LRRC28: variants seen among roughly 807,000 people sequenced by gnomAD.
The protein encoded by LRRC28 is leucine rich repeat containing 28, also known as leucine-rich repeat-containing protein 28.
A neutral mutation model predicts 45.7 loss-of-function variants in LRRC28; 39 were observed. The observed-to-expected ratio is 0.85, with a 90% CI of 0.66 to 1.12. The LOEUF is 1.12. LRRC28 is among the 50% of genes most tolerant of loss of function. LRRC28 has a pLI of 0.00. For synonymous variants in LRRC28, 206 were observed against 178.8 expected, an observed-to-expected ratio of 1.15 and a Z score of -1.22; for missense variants, 435 against 438.5, an observed-to-expected ratio of 0.99 and a Z score of 0.07.
chr15:99,298,128 G>A (rs769948776), intron 5 of LRRC28, among the ~76,000 whole-genome samples: 2 of 152,002 alleles, frequency 1.3e-5, no homozygotes, highest in Non-Finnish European at 2.9e-5. Flanking sequence ...CTTACTGCAC[G>A]TTGAGCTCCT....
At chr15:99,364,731 T>C (rs1957295912) in intron 9 of LRRC28, among the ~76,000 whole-genome samples, 1 of 152,216 alleles carries the variant, frequency 6.6e-6, no homozygotes, top group Non-Finnish European at 1.5e-5. Flanking sequence ...ATAATAATAA[T>C]ATCTATTTAA....
rs575344850 is a variant in LRRC28, at chr15:99,339,655, C to T, written c.592+5526C>T. 2.6e-5 allele frequency among the ~76,000 whole-genome samples: 4 copies of T among 151,182 alleles called. No homozygotes were observed. The South Asian group carries it at 8.4e-4, about 32-fold the overall frequency. ...CTGAGGCCCCAAAATCGCTTGAACC[C>T]GGGAGGTTGCAGTGAGCCGAGATCG... On this transcript the variant is annotated intron_variant, in intron 6 of 9. Coordinates refer to ENST00000301981, the MANE Select transcript of LRRC28 (RefSeq NM_144598.5).
intron 9 of LRRC28, among the ~76,000 whole-genome samples, chr15:99,369,853 C>T (rs1480612720): frequency 6.6e-6 from 1 of 152,144 alleles, no homozygotes; most frequent in Admixed American, 6.6e-5. Context: ...TCCCATATTG[C>T]TGGGTTAAGC....
chr15:99,278,634 C>A (rs1373833417), intron 3 of LRRC28, among the ~76,000 whole-genome samples: 2 of 152,224 alleles, frequency 1.3e-5, no homozygotes, highest in Admixed American at 1.3e-4. Flanking sequence ...TGTCTGTAGT[C>A]TATTGTGTTA....
intron 9 of LRRC28, among the ~76,000 whole-genome samples, chr15:99,366,512 T>C (rs1186810920): frequency 6.6e-6 from 1 of 152,130 alleles, no homozygotes; most frequent in Admixed American, 6.5e-5. Context: ...TTCCCATAGT[T>C]CTGGAGGAAA....
At chr15:99,269,702 C>T (rs2081423964) in intron 2 of LRRC28, among the ~76,000 whole-genome samples, 1 of 152,130 alleles carries the variant, frequency 6.6e-6, no homozygotes, top group South Asian at 2.1e-4. Flanking sequence ...CATGCCTGGC[C>T]TTAACATTTA....
chr15:99,325,151 T>C (rs1356826770), intron 5 of LRRC28, among the ~76,000 whole-genome samples: 1 of 152,154 alleles, frequency 6.6e-6, no homozygotes, highest in Non-Finnish European at 1.5e-5. Flanking sequence ...TGTACTACTT[T>C]TGTTCAGTTT....
intron 3 of LRRC28, among the ~76,000 whole-genome samples, chr15:99,282,181 T>G (rs1024954342): frequency 7.3e-6 from 1 of 137,298 alleles, no homozygotes; most frequent in Non-Finnish European, 1.6e-5. Context: ...TTGGAGGTTT[T>G]TTTTTTTTTT....
chr15:99,330,884 T>G (rs1171510562), intron 5 of LRRC28, among the ~76,000 whole-genome samples: 3 of 152,144 alleles, frequency 2.0e-5, no homozygotes, highest in African/African-American at 7.2e-5. Flanking sequence ...AACTATATAT[T>G]TTTAGTTATC....
intron 9 of LRRC28, 44 bp from the exon 10 acceptor site, chr15:99,385,986 A>G (rs1045599010): frequency 6.4e-7 from 1 of 1,561,360 alleles, no homozygotes; most frequent in Non-Finnish European, 8.8e-7. Flanking sequence ...AGAGACTTTA[A>G]TCTTGAACTC....
At chr15:99,275,089 T>C (rs566291669) in intron 2 of LRRC28, among the ~76,000 whole-genome samples, 28 of 151,864 alleles carry the variant, frequency 1.8e-4, no homozygotes, top group Non-Finnish European at 3.4e-4. Context: ...GAACCCCCTA[T>C]GTGTGTGTGA....
chr15:99,332,495 T>G (rs546459282), intron 5 of LRRC28, among the ~76,000 whole-genome samples: 7 of 152,242 alleles, frequency 4.6e-5, no homozygotes. Context: ...TAAATCCTCC[T>G]ACTAACAAAA....
chr15:99,307,889 C>A (rs1411699327), intron 5 of LRRC28, among the ~76,000 whole-genome samples: 2 of 152,196 alleles, frequency 1.3e-5, no homozygotes, highest in Admixed American at 6.5e-5. Flanking sequence ...GAGGGGAAGT[C>A]ACTGGTGGAT....
chr15:99,313,506 A>G (rs1443376525), intron 5 of LRRC28, among the ~76,000 whole-genome samples: 1 of 152,128 alleles, frequency 6.6e-6, no homozygotes, highest in African/African-American at 2.4e-5. Context: ...TCTGCAGCAC[A>G]CATAGAACAT....
At chr15:99,260,532 T>C (rs1376520856) in intron 2 of LRRC28, among the ~76,000 whole-genome samples, 1 of 152,248 alleles carries the variant, frequency 6.6e-6, no homozygotes, top group Non-Finnish European at 1.5e-5. Context: ...CTTTGTAAAC[T>C]ATAAAGGCTG....
At chr15:99,364,345 C>CA (rs1156481482) in intron 9 of LRRC28, among the ~76,000 whole-genome samples, 6 of 152,330 alleles carry the variant, frequency 3.9e-5, no homozygotes, top group African/African-American at 1.4e-4. Context: ...TAGCTCTACT[C>CA]ACGCCATCCC....
At chr15:99,292,282 C>T (rs76516986) in intron 5 of LRRC28, among the ~76,000 whole-genome samples, 8,944 of 151,864 alleles carry the variant, frequency 0.059, 347 homozygotes, top group Non-Finnish European at 0.09. Flanking sequence ...TTTTCTTGCC[C>T]TCATTTTTGG....
At chr15:99,284,441 T>C (rs1220074313) in intron 3 of LRRC28, among the ~76,000 whole-genome samples, 1 of 152,232 alleles carries the variant, frequency 6.6e-6, no homozygotes, top group Non-Finnish European at 1.5e-5. Flanking sequence ...TATTCACAAA[T>C]ACAGTCCTCG....
intron 9 of LRRC28, among the ~76,000 whole-genome samples, chr15:99,379,327 A>G (rs1034016266): frequency 6.6e-5 from 10 of 152,242 alleles, no homozygotes; most frequent in African/African-American, 2.4e-4. Flanking sequence ...ATTTGCGTAG[A>G]GGTGTTAATT....
Sources: allele counts gnomAD v4.1 joint callset (sites outside exome capture counted in the v4.1 genomes callset), GRCh38; gene constraint gnomAD v4.1.1; transcripts MANE v1.5; gene names NCBI Gene and HGNC (gene_info 2026-07-23, HGNC 2026-07-21).